Variants in PKIB observed in about 807,000 individuals in gnomAD.
PKIB encodes the protein cAMP-dependent protein kinase inhibitor beta, also known as PKI-beta.
A neutral mutation model predicts 4.5 loss-of-function variants in PKIB; 2 were observed. That is an observed-to-expected ratio of 0.44 (90% CI 0.18 to 1.39). The LOEUF is 1.39. Among genes scored for constraint, PKIB ranks in the 40% most tolerant of loss-of-function variants. The pLI is 0.27. For missense variants in PKIB, 94 were observed against 92.6 expected (o/e 1.02, Z -0.06); for synonymous variants, 38 against 36.0 (o/e 1.06, Z -0.20).
At position 122,547,537 on chromosome 6, in the gene PKIB, C is replaced by T. The variant is rs190310825; in HGVS notation, c.-247-38384C>T. Among the ~76,000 whole-genome samples the T allele has an allele frequency of 1.6e-3, 242 of 151,460 alleles. 4 individuals carry two copies. Among genetic ancestry groups the T allele is most frequent in the African/African-American group, 5.7e-3 (232 of 40,864 alleles). ...ATTTTTAGTAGAGACGGGATTTCAC[C>T]GTGTTGGCCAGGCTGGTCTCGAACT... On this transcript the variant is annotated intron_variant, in intron 2 of 6. Coordinates refer to the PKIB transcript ENST00000392491.
At chr6:122,598,474 TA>T (rs1483100651) in intron 3 of PKIB, among the ~76,000 whole-genome samples, 1 of 152,206 alleles carries the variant, frequency 6.6e-6, no homozygotes, top group Non-Finnish European at 1.5e-5. Flanking sequence ...ATTCCCATTG[TA>T]TTTAAATTTT....
At chr6:122,701,430 G>A in intron 3 of PKIB, 1 of 1,566,050 alleles carries the variant, frequency 6.4e-7, no homozygotes, top group Non-Finnish European at 8.7e-7. Context: ...TTTTCTCATT[G>A]CATTTACAGG....
intron 3 of PKIB, among the ~76,000 whole-genome samples, chr6:122,677,090 T>TATAATGCAGATA: frequency 1.4e-5 from 2 of 138,356 alleles, no homozygotes. Flanking sequence ...GAAGAATTGC[T>TATAATGCAGATA]ATAATGCAGA....
At chr6:122,568,088 CTTT>C in intron 2 of PKIB, among the ~76,000 whole-genome samples, 1 of 151,752 alleles carries the variant, frequency 6.6e-6, no homozygotes, top group Admixed American at 6.6e-5. Flanking sequence ...TCTTTTTCTT[CTTT>C]ATGTTTTTGG....
At chr6:122,707,695 T>C (rs1254064599) in intron 3 of PKIB, among the ~76,000 whole-genome samples, 1 of 152,170 alleles carries the variant, frequency 6.6e-6, no homozygotes. Context: ...TTTTGAATTA[T>C]GTTGATTTGA....
At chr6:122,516,364 CAA>C (rs1270073666) in intron 2 of PKIB, among the ~76,000 whole-genome samples, 1 of 152,142 alleles carries the variant, frequency 6.6e-6, no homozygotes, top group African/African-American at 2.4e-5. Context: ...AAAGGTAAAT[CAA>C]AGAGTTGGCT....
intron 2 of PKIB, among the ~76,000 whole-genome samples, chr6:122,642,061 C>T (rs935475105): frequency 4.6e-5 from 7 of 152,198 alleles, no homozygotes; most frequent in Admixed American, 2.0e-4. Context: ...GATTATATAA[C>T]AAGAGACCTC....
At chr6:122,506,694 ATT>A (rs35341464) in intron 2 of PKIB, among the ~76,000 whole-genome samples, 326 of 116,540 alleles carry the variant, frequency 2.8e-3, no homozygotes, top group Middle Eastern at 5.9e-3. Context: ...TGGAGATGTA[ATT>A]TTTTTTTTTT....
intron 3 of PKIB, among the ~76,000 whole-genome samples, chr6:122,598,893 A>G (rs1057022866): frequency 6.6e-6 from 1 of 152,148 alleles, no homozygotes; most frequent in African/African-American, 2.4e-5. Flanking sequence ...GCCTGATCCA[A>G]TTCTATGTTC....
At chr6:122,476,789 A>G (rs1397774919) in intron 1 of PKIB, among the ~76,000 whole-genome samples, 1 of 152,208 alleles carries the variant, frequency 6.6e-6, no homozygotes, top group Non-Finnish European at 1.5e-5. Context: ...TCACTTTTCA[A>G]GGGCAGATGT....
upstream of PKIB, among the ~76,000 whole-genome samples, chr6:122,607,667 A>G (rs1301654670): frequency 6.6e-6 from 1 of 152,150 alleles, no homozygotes; most frequent in African/African-American, 2.4e-5. Context: ...TATTTACACA[A>G]TGCTTTCTCC....
chr6:122,674,685 C>G (rs1777601504), intron 2 of PKIB, among the ~76,000 whole-genome samples: 1 of 152,128 alleles, frequency 6.6e-6, no homozygotes, highest in African/African-American at 2.4e-5. Flanking sequence ...TGGTGTGTTT[C>G]TACAAACTTC....
At chr6:122,496,958 C>T (rs1314415029) in intron 2 of PKIB, among the ~76,000 whole-genome samples, 4 of 152,100 alleles carry the variant, frequency 2.6e-5, no homozygotes, top group Non-Finnish European at 5.9e-5. Context: ...AAAGAAAAAA[C>T]TTGAAAGATA....
chr6:122,514,128 G>A (rs144382469), intron 2 of PKIB, among the ~76,000 whole-genome samples: 1 of 152,196 alleles, frequency 6.6e-6, no homozygotes, highest in African/African-American at 2.4e-5. Context: ...ATTCTAAAAG[G>A]AACAGATTCC....
At chr6:122,708,497 G>A (rs1409990207) in intron 3 of PKIB, among the ~76,000 whole-genome samples, 1 of 152,098 alleles carries the variant, frequency 6.6e-6, no homozygotes, top group African/African-American at 2.4e-5. Context: ...GGGAGATATG[G>A]TTTTCTGTGA....
chr6:122,474,849 C>T (rs1022848268), intron 1 of PKIB, among the ~76,000 whole-genome samples: 4 of 152,038 alleles, frequency 2.6e-5, no homozygotes, highest in African/African-American at 9.7e-5. Flanking sequence ...GACTATTGTA[C>T]CCTGAGAAAA....
intron 3 of PKIB, among the ~76,000 whole-genome samples, chr6:122,602,485 A>G (rs1238222468): frequency 6.6e-6 from 1 of 152,226 alleles, no homozygotes; most frequent in Non-Finnish European, 1.5e-5. Flanking sequence ...GCTTTAAGGA[A>G]TACAACTTTT....
intron 2 of PKIB, among the ~76,000 whole-genome samples, chr6:122,533,264 G>T (rs1397567133): frequency 1.3e-5 from 2 of 151,826 alleles, no homozygotes; most frequent in African/African-American, 4.8e-5. Context: ...CTGCTTCTGG[G>T]TCATAAGGAA....
At chr6:122,583,050 A>G (rs1214400605) in intron 2 of PKIB, among the ~76,000 whole-genome samples, 1 of 152,038 alleles carries the variant, frequency 6.6e-6, no homozygotes, top group African/African-American at 2.4e-5. Flanking sequence ...AGATAGAAAA[A>G]ACATTTATAC....
Sources: gnomAD v4.1 joint callset for allele counts (sites outside exome capture counted in the v4.1 genomes callset) on GRCh38, gnomAD v4.1.1 for gene constraint, MANE v1.5 for transcripts, NCBI Gene and HGNC (gene_info 2026-07-23, HGNC 2026-07-21) for gene names.